Variants in RAB30 observed in about 807,000 individuals in gnomAD.
The protein encoded by RAB30 is RAB30, member RAS oncogene family.
In RAB30, 9 loss-of-function variants were observed where a neutral mutation model predicts 25.1. The observed-to-expected ratio is 0.36, with a 90% confidence interval of 0.22 to 0.63. RAB30 has a LOEUF of 0.63. RAB30 is among the 20% of genes least tolerant of loss of function. The probability of loss-of-function intolerance (pLI) is 0.69; values close to 1 mark genes in which losing one functional copy is unlikely to be tolerated. For synonymous variants in RAB30, 77 were observed against 86.4 expected, an observed-to-expected ratio of 0.89 and a Z score of 0.60; for missense variants, 140 against 243.5, an observed-to-expected ratio of 0.58 and a Z score of 2.83.
intron 1 of RAB30, among the ~76,000 whole-genome samples, chr11:83,067,706 T>C (rs942674248): frequency 1.3e-5 from 2 of 152,174 alleles, no homozygotes; most frequent in South Asian, 4.1e-4. Context: ...TCAAAGTTAG[T>C]GTCGGCCGGG....
intron 1 of RAB30, among the ~76,000 whole-genome samples, chr11:83,011,565 A>C (rs1460551483): frequency 6.6e-6 from 1 of 152,242 alleles, no homozygotes; most frequent in Admixed American, 6.5e-5. Flanking sequence ...TAAAGCTGGA[A>C]GACTGAATAA....
intron 4 of RAB30, among the ~76,000 whole-genome samples, 171 bp from the exon 5 acceptor site, chr11:82,982,586 G>A (rs1020284245): frequency 6.6e-6 from 1 of 152,148 alleles, no homozygotes; most frequent in Admixed American, 6.5e-5. Flanking sequence ...AGTGCCAGCT[G>A]GGCGCAGTGG....
At chr11:82,990,101 T>C (rs1221237641) in intron 3 of RAB30, among the ~76,000 whole-genome samples, 1 of 152,230 alleles carries the variant, frequency 6.6e-6, no homozygotes, top group Non-Finnish European at 1.5e-5. Context: ...CAATATGTTT[T>C]CAATACTGTA....
intron 1 of RAB30, among the ~76,000 whole-genome samples, chr11:83,059,767 T>C (rs1162895068): frequency 6.6e-6 from 1 of 152,164 alleles, no homozygotes; most frequent in African/African-American, 2.4e-5. Context: ...ATAAATAAGA[T>C]AGGCTCACAA....
At chr11:82,992,194 C>A in intron 3 of RAB30, 1 of 395,642 alleles carries the variant, frequency 2.5e-6, no homozygotes, top group Admixed American at 2.6e-5. Context: ...AGGCTCCTCC[C>A]ATCAATGCCT....
At chr11:83,034,983 AT>A (rs1288604264) in intron 1 of RAB30, among the ~76,000 whole-genome samples, 1 of 152,040 alleles carries the variant, frequency 6.6e-6, no homozygotes, top group Admixed American at 6.6e-5. Context: ...ATCCTGACTA[AT>A]AAAAAGAATG....
chr11:83,030,965 C>T (rs1290628273), intron 1 of RAB30, among the ~76,000 whole-genome samples: 1 of 152,176 alleles, frequency 6.6e-6, no homozygotes, highest in East Asian at 1.9e-4. Flanking sequence ...TTAGGGTGGG[C>T]CCTAATCCAA....
At chr11:83,016,747 A>G (rs2121506477) in intron 1 of RAB30, among the ~76,000 whole-genome samples, 1 of 152,344 alleles carries the variant, frequency 6.6e-6, no homozygotes, top group South Asian at 2.1e-4. Context: ...AGGCTCTGAA[A>G]ATAATCAGAA....
At chr11:83,016,477 C>T (rs577658772) in intron 1 of RAB30, among the ~76,000 whole-genome samples, 1 of 152,274 alleles carries the variant, frequency 6.6e-6, no homozygotes, top group East Asian at 1.9e-4. Context: ...AGAAATACTA[C>T]AGCATATTTA....
At chr11:83,011,745 C>T (rs2121494058) in intron 1 of RAB30, among the ~76,000 whole-genome samples, 1 of 152,300 alleles carries the variant, frequency 6.6e-6, no homozygotes, top group Admixed American at 6.5e-5. Context: ...TGGCCTCCTG[C>T]CCTGCCCTTC....
rs141239646 is a variant in RAB30 at position 83,039,797 on chromosome 11, G to A, written c.-9+31894C>T. 7.3e-3 allele frequency among the ~76,000 whole-genome samples: 1,115 copies of A among 152,200 alleles called. 46 individuals carry two copies. Among genetic ancestry groups the A allele is most frequent in the Admixed American group, 0.068 (1,035 of 15,278 alleles). ...ATGAGTAAGACTTCCACAGGAAGCA[G>A]AAATCAAAAAGAAAAAAGGCTGAAA... On this transcript the variant is annotated intron_variant, in intron 1 of 4. Coordinates refer to ENST00000527633, the MANE Select transcript of RAB30 (RefSeq NM_001286060.2).
intron 1 of RAB30, among the ~76,000 whole-genome samples, chr11:83,026,112 G>T (rs1857705994): frequency 6.6e-6 from 1 of 152,080 alleles, no homozygotes; most frequent in South Asian, 2.1e-4. Context: ...GATCACTTGA[G>T]CCTGGGAGGT....
At chr11:83,045,930 G>A (rs563028399) in intron 1 of RAB30, among the ~76,000 whole-genome samples, 1 of 152,220 alleles carries the variant, frequency 6.6e-6, no homozygotes. Context: ...AGAGGTTATA[G>A]CTAAGTGATC....
At chr11:83,003,889 A>G (rs1857136809) in intron 1 of RAB30, among the ~76,000 whole-genome samples, 1 of 152,210 alleles carries the variant, frequency 6.6e-6, no homozygotes, top group African/African-American at 2.4e-5. Context: ...ACCGATTACC[A>G]GAGACCCTCA....
At chr11:82,997,139 C>A (rs1244725840) in intron 2 of RAB30, 85 bp downstream of exon 2, 1 of 1,104,096 alleles carries the variant, frequency 9.1e-7, no homozygotes, top group East Asian at 2.4e-5. Flanking sequence ...AACTGGTCAT[C>A]CATCTCGACA....
intron 1 of RAB30, among the ~76,000 whole-genome samples, chr11:83,026,684 A>G (rs1449875839): frequency 6.6e-6 from 1 of 152,208 alleles, no homozygotes; most frequent in Admixed American, 6.5e-5. Flanking sequence ...TGGACTAACA[A>G]TAGGATAGGG....
At chr11:83,025,208 C>T (rs902624811) in intron 1 of RAB30, among the ~76,000 whole-genome samples, 1 of 152,188 alleles carries the variant, frequency 6.6e-6, no homozygotes, top group East Asian at 1.9e-4. Flanking sequence ...ATTCTCCTGA[C>T]ATTTTATCAG....
At chr11:83,025,743 C>A (rs1857695982) in intron 1 of RAB30, among the ~76,000 whole-genome samples, 1 of 152,316 alleles carries the variant, frequency 6.6e-6, no homozygotes, top group East Asian at 1.9e-4. Context: ...GAAGCTGGGA[C>A]TCCTTACCTT....
At chr11:83,032,608 A>C (rs1197364063) in intron 1 of RAB30, among the ~76,000 whole-genome samples, 1 of 152,172 alleles carries the variant, frequency 6.6e-6, no homozygotes, top group Non-Finnish European at 1.5e-5. Flanking sequence ...GGAATTGCAA[A>C]CATGTGCTAC....
Sources: allele counts gnomAD v4.1 joint callset (sites outside exome capture counted in the v4.1 genomes callset), GRCh38; gene constraint gnomAD v4.1.1; transcripts MANE v1.5; gene names NCBI Gene and HGNC (gene_info 2026-07-23, HGNC 2026-07-21).